Variants in PUM3 observed in about 807,000 individuals in gnomAD.
PUM3 encodes pumilio homolog 3.
In PUM3, 91 loss-of-function variants were observed where a neutral mutation model predicts 84.0. That is an observed-to-expected ratio of 1.08 (90% confidence interval 0.91 to 1.29). The LOEUF is 1.29. Among genes scored for constraint, PUM3 ranks in the 50% most tolerant of loss-of-function variants. The pLI is 0.00. For synonymous variants in PUM3, 321 were observed against 266.7 expected (o/e 1.20, Z -1.98); for missense variants, 1,067 against 767.5 (o/e 1.39, Z -4.61).
chr9:2,814,399 TG>T (rs1821431423), intron 13 of PUM3, among the ~76,000 whole-genome samples: 1 of 152,028 alleles, frequency 6.6e-6, no homozygotes, highest in Non-Finnish European at 1.5e-5. Flanking sequence ...TTAGTAGAGA[TG>T]GGGTTTCGCC....
chr9:2,843,931 G>A (rs1816337571), intron 1 of PUM3, 114 bp downstream of exon 1: 1 of 153,188 alleles, frequency 6.5e-6, no homozygotes, highest in South Asian at 2.1e-4. Flanking sequence ...AGCCCAGAAA[G>A]AGGCCAGAGG....
intron 10 of PUM3, among the ~76,000 whole-genome samples, chr9:2,826,173 G>A (rs1162694273): frequency 2.0e-5 from 3 of 150,904 alleles, no homozygotes; most frequent in South Asian, 4.2e-4. Context: ...TACTTTACAC[G>A]CATGCTAAGT....
At position 2,820,074 on chromosome 9, in the gene PUM3, G is replaced by C; in HGVS notation, c.1213C>G (p.Leu405Val). Residue 405 changes from leucine (L) to valine (V), a missense_variant, in exon 13 of 18, where the codon CTG becomes GTG. Coordinates refer to ENST00000397885, the MANE Select transcript of PUM3 (RefSeq NM_014878.5). ...TCATCAATACAATCAAATGCCGCCA[G>C]TAAAACCAAATGGGAGTATTGGCCC... ...ANGQYSHLVLLAAFDCIDDTK... is the reference protein window; with the variant it reads ...ANGQYSHLVLVAAFDCIDDTK... The C allele has an allele frequency of 1.9e-6, 3 of 1,611,954 alleles. 1 individual carries two copies. In the South Asian group the frequency reaches 3.3e-5, roughly 18 times the overall value.
At chr9:2,818,654 A>C (rs190874281) in intron 13 of PUM3, among the ~76,000 whole-genome samples, 37 of 152,348 alleles carry the variant, frequency 2.4e-4, no homozygotes, top group African/African-American at 8.4e-4. Context: ...CAAAAGGGTA[A>C]TAAAGTCACA....
At chr9:2,841,896 G>A (rs12344362) in intron 1 of PUM3, among the ~76,000 whole-genome samples, 5,344 of 152,124 alleles carry the variant, frequency 0.035, 106 homozygotes, top group East Asian at 0.063. Flanking sequence ...ATAATTCCAC[G>A]GGCTTCAACA....
intron 13 of PUM3, among the ~76,000 whole-genome samples, chr9:2,818,471 A>T (rs980947116): frequency 6.6e-6 from 1 of 152,362 alleles, no homozygotes; most frequent in African/African-American, 2.4e-5. Flanking sequence ...TTTCTCTTGA[A>T]ATCCATTTGG....
intron 3 of PUM3, among the ~76,000 whole-genome samples, chr9:2,835,714 T>C (rs565637000): frequency 2.0e-5 from 3 of 152,276 alleles, no homozygotes; most frequent in African/African-American, 7.2e-5. Flanking sequence ...CCTTGACATA[T>C]GTCATGCTAG....
intron 10 of PUM3, among the ~76,000 whole-genome samples, chr9:2,825,022 C>T (rs1351860808): frequency 6.6e-6 from 1 of 152,178 alleles, no homozygotes; most frequent in Non-Finnish European, 1.5e-5. Flanking sequence ...GTAAATACTG[C>T]TGGCAGACAA....
At chr9:2,827,746 T>G (rs1307504973) in intron 9 of PUM3, among the ~76,000 whole-genome samples, 1 of 152,220 alleles carries the variant, frequency 6.6e-6, no homozygotes, top group Non-Finnish European at 1.5e-5. Context: ...AAACTAACAC[T>G]GCCTTTATGG....
chr9:2,832,394 G>C (rs1215458809), intron 5 of PUM3, among the ~76,000 whole-genome samples: 2 of 152,136 alleles, frequency 1.3e-5, no homozygotes, highest in Admixed American at 6.6e-5. Context: ...CTGAGTCCCA[G>C]ATACATCAAA....
At chr9:2,814,124 C>A (rs1210229801) in intron 13 of PUM3, among the ~76,000 whole-genome samples, 2 of 152,178 alleles carry the variant, frequency 1.3e-5, no homozygotes, top group Non-Finnish European at 2.9e-5. Flanking sequence ...ATTTCAGTAA[C>A]AAACGGGAAA....
At chr9:2,806,414 G>C (rs1340547713) in intron 17 of PUM3, among the ~76,000 whole-genome samples, 1 of 152,164 alleles carries the variant, frequency 6.6e-6, no homozygotes, top group African/African-American at 2.4e-5. Flanking sequence ...AGTATTATGT[G>C]TACCAGATCA....
intron 16 of PUM3, among the ~76,000 whole-genome samples, chr9:2,810,065 A>G (rs1169943569): frequency 2.9e-5 from 4 of 137,712 alleles, no homozygotes; most frequent in African/African-American, 1.1e-4. Flanking sequence ...AGAAGCCTGC[A>G]GCAGCACAGG....
chr9:2,838,358 A>T, intron 2 of PUM3, 68 bp downstream of exon 2: 1 of 1,038,588 alleles, frequency 9.6e-7, no homozygotes, highest in Non-Finnish European at 1.5e-6. Context: ...TACAGATTGA[A>T]ATTTACTACA....
At chr9:2,807,383 C>T (rs1331494503) in intron 17 of PUM3, among the ~76,000 whole-genome samples, 3 of 151,746 alleles carry the variant, frequency 2.0e-5, no homozygotes, top group Non-Finnish European at 4.4e-5. Flanking sequence ...ACTACTTGAG[C>T]CTAAGAGTCT....
intron 14 of PUM3, 93 bp downstream of exon 14, chr9:2,812,127 G>T: frequency 9.8e-7 from 1 of 1,020,512 alleles, no homozygotes; most frequent in Non-Finnish European, 1.5e-6. Flanking sequence ...CAGTTTTAGA[G>T]AGGGTATGGA....
intron 3 of PUM3, 121 bp from the exon 4 acceptor site, chr9:2,834,287 G>C: frequency 2.5e-6 from 2 of 786,000 alleles, no homozygotes; most frequent in Non-Finnish European, 4.0e-6. Context: ...AAGCTAAAAA[G>C]GGGAACATAC....
intron 13 of PUM3, among the ~76,000 whole-genome samples, chr9:2,818,963 G>A (rs1161003160): frequency 6.6e-6 from 1 of 152,136 alleles, no homozygotes; most frequent in Non-Finnish European, 1.5e-5. Flanking sequence ...TTCTCTTTTT[G>A]AATCATCATA....
At chr9:2,838,264 C>G (rs1356061765) in intron 2 of PUM3, among the ~76,000 whole-genome samples, 162 bp downstream of exon 2, 1 of 152,140 alleles carries the variant, frequency 6.6e-6, no homozygotes, top group Admixed American at 6.5e-5. Context: ...TCTTAAGTGT[C>G]TAAATGTCAT....
Sources: allele counts gnomAD v4.1 joint callset (sites outside exome capture counted in the v4.1 genomes callset), GRCh38; gene constraint gnomAD v4.1.1; transcripts MANE v1.5; gene names NCBI Gene and HGNC (gene_info 2026-07-23, HGNC 2026-07-21).